The following NTNG1 variants were observed in gnomAD, a reference collection of about 807,000 sequenced individuals.
The protein encoded by NTNG1 is netrin-G1.
NTNG1 carries 16 observed loss-of-function variants against 54.0 expected under a neutral mutation model. The ratio of observed to expected loss-of-function variants is 0.30; its 90% CI spans 0.20 to 0.45. NTNG1 has a LOEUF of 0.45. Ranked by LOEUF, NTNG1 falls within the 20% of genes least tolerant of loss-of-function variation. The probability of loss-of-function intolerance (pLI) is 1.00; values close to 1 mark genes in which losing one functional copy is unlikely to be tolerated. For missense variants in NTNG1, 530 were observed against 678.7 expected (o/e 0.78, Z 2.43); for synonymous variants, 255 against 263.1 (o/e 0.97, Z 0.30).
chr1:107,416,968 C>A (rs555741622), intron 5 of NTNG1, among the ~76,000 whole-genome samples: 1 of 152,160 alleles, frequency 6.6e-6, no homozygotes, highest in Admixed American at 6.6e-5. Context: ...TTAAATAAAA[C>A]AATTTCTGGG....
At chr1:107,204,943 G>A (rs991889247) in intron 2 of NTNG1, among the ~76,000 whole-genome samples, 6 of 152,048 alleles carry the variant, frequency 3.9e-5, no homozygotes, top group Non-Finnish European at 1.5e-5. Context: ...GAGTCACTGA[G>A]CTAAAAGCAT....
At chr1:107,243,631 G>A (rs1246127280) in intron 2 of NTNG1, among the ~76,000 whole-genome samples, 4 of 147,000 alleles carry the variant, frequency 2.7e-5, no homozygotes, top group Admixed American at 6.6e-5. Flanking sequence ...TCACAGGCAC[G>A]GTCGTAGTGT....
intron 3 of NTNG1, 101 bp from the exon 4 acceptor site, chr1:107,395,053 A>G: frequency 1.2e-6 from 1 of 861,996 alleles, no homozygotes; most frequent in East Asian, 2.4e-5. Flanking sequence ...TCTGTGTATC[A>G]CTAAAGCACT....
chr1:107,390,541 C>T (rs375573918), intron 3 of NTNG1, among the ~76,000 whole-genome samples: 2 of 152,288 alleles, frequency 1.3e-5, no homozygotes, highest in East Asian at 3.9e-4. Flanking sequence ...CGTCTCCTTT[C>T]TCCAATGTAG....
intron 2 of NTNG1, among the ~76,000 whole-genome samples, chr1:107,269,161 C>T (rs1394532162): frequency 6.6e-6 from 1 of 152,174 alleles, no homozygotes; most frequent in Non-Finnish European, 1.5e-5. Flanking sequence ...TACGAATCTC[C>T]TCCTTGTTAG....
chr1:107,417,255 T>C (rs601352), intron 5 of NTNG1, among the ~76,000 whole-genome samples: 3,218 of 152,218 alleles, frequency 0.021, 57 homozygotes, highest in South Asian at 0.046. Context: ...ATCATCAAGA[T>C]TGCCTTTGCC....
intron 2 of NTNG1, among the ~76,000 whole-genome samples, chr1:107,285,522 A>G (rs1665138332): frequency 6.6e-6 from 1 of 152,134 alleles, no homozygotes; most frequent in African/African-American, 2.4e-5. Flanking sequence ...AACAGAAGTG[A>G]GTGCTGAATT....
chr1:107,289,898 G>A (rs1164182692), intron 2 of NTNG1, among the ~76,000 whole-genome samples: 2 of 151,988 alleles, frequency 1.3e-5, no homozygotes, highest in Non-Finnish European at 2.9e-5. Flanking sequence ...ATTGAATTTT[G>A]CAGTAAACCA....
intron 2 of NTNG1, among the ~76,000 whole-genome samples, chr1:107,202,693 T>C (rs547843283): frequency 7.2e-5 from 11 of 152,054 alleles, no homozygotes; most frequent in African/African-American, 2.6e-4. Flanking sequence ...TTCATCCATT[T>C]GGTGTACAAT....
chr1:107,272,392 C>T (rs1167430521), intron 2 of NTNG1, among the ~76,000 whole-genome samples: 1 of 152,104 alleles, frequency 6.6e-6, no homozygotes, highest in African/African-American at 2.4e-5. Context: ...ATTTGCTCCA[C>T]CACTATTTAG....
chr1:107,185,082 G>T (rs1036297403), intron 2 of NTNG1, among the ~76,000 whole-genome samples: 1 of 152,130 alleles, frequency 6.6e-6, no homozygotes, highest in Admixed American at 6.5e-5. Flanking sequence ...TTCTCACATG[G>T]CCTGGGCTTC....
At chr1:107,209,593 C>T (rs1222874269) in intron 2 of NTNG1, among the ~76,000 whole-genome samples, 6 of 152,138 alleles carry the variant, frequency 3.9e-5, no homozygotes, top group Non-Finnish European at 5.9e-5. Flanking sequence ...ACAATAATTG[C>T]GCCTCATCCT....
chr1:107,396,593 C>T (rs539923077), intron 4 of NTNG1, among the ~76,000 whole-genome samples: 6 of 152,194 alleles, frequency 3.9e-5, no homozygotes, highest in Non-Finnish European at 5.9e-5. Context: ...GACTCTGTGG[C>T]CTTTCCTCAA....
At chr1:107,414,637 A>G (rs1049044713) in intron 5 of NTNG1, among the ~76,000 whole-genome samples, 4 of 152,118 alleles carry the variant, frequency 2.6e-5, no homozygotes, top group African/African-American at 7.2e-5. Context: ...GGAAGACATT[A>G]TTTTCCTACT....
chr1:107,449,801 A>T (rs1026688437), intron 7 of NTNG1, among the ~76,000 whole-genome samples: 1 of 151,816 alleles, frequency 6.6e-6, no homozygotes, highest in African/African-American at 2.4e-5. Context: ...TCAGCAGCGT[A>T]ACTGCTTTAT....
chr1:107,143,576 A>G (rs78064362), intron 1 of NTNG1, among the ~76,000 whole-genome samples: 1 of 152,114 alleles, frequency 6.6e-6, no homozygotes, highest in Non-Finnish European at 1.5e-5. Context: ...ACATTGAAAT[A>G]TATGTGTGTG....
At chr1:107,146,159 CCATT>C (rs1654094221) in intron 1 of NTNG1, among the ~76,000 whole-genome samples, 1 of 152,020 alleles carries the variant, frequency 6.6e-6, no homozygotes, top group African/African-American at 2.4e-5. Flanking sequence ...AATGCTCACT[CCATT>C]CAAACTCAAA....
intron 7 of NTNG1, among the ~76,000 whole-genome samples, chr1:107,437,263 G>A (rs1345072140): frequency 6.6e-6 from 1 of 152,112 alleles, no homozygotes; most frequent in Non-Finnish European, 1.5e-5. Context: ...AAACCTAAAG[G>A]TAATAAATCT....
chr1:107,158,009 A>G (rs1655127917), intron 2 of NTNG1, among the ~76,000 whole-genome samples: 2 of 152,132 alleles, frequency 1.3e-5, no homozygotes. Context: ...GCTGGGAAAG[A>G]TTCATCTGAG....
Sources: allele counts gnomAD v4.1 joint callset (sites outside exome capture counted in the v4.1 genomes callset), GRCh38; gene constraint gnomAD v4.1.1; transcripts MANE v1.5; gene names NCBI Gene and HGNC (gene_info 2026-07-23, HGNC 2026-07-21).